Variants in ACTN1 observed in about 807,000 individuals in gnomAD.
The protein encoded by ACTN1 is alpha-actinin-1.
In ACTN1, 30 loss-of-function variants were observed where a neutral mutation model predicts 119.6. That is an observed-to-expected ratio of 0.25 (90% confidence interval 0.19 to 0.34). ACTN1 has a LOEUF of 0.34. Among genes scored for constraint, ACTN1 ranks in the 10% least tolerant of loss-of-function variants. ACTN1 has a pLI of 1.00. For synonymous variants in ACTN1, 429 were observed against 472.6 expected, an observed-to-expected ratio of 0.91 and a Z score of 1.20; for missense variants, 764 against 1,223.4, an observed-to-expected ratio of 0.62 and a Z score of 5.60.
chr14:68,890,357 C>A (rs1045304176), intron 10 of ACTN1, 71 bp from the exon 11 acceptor site: 3 of 1,554,038 alleles, frequency 1.9e-6, no homozygotes, highest in Non-Finnish European at 1.7e-6. Context: ...GCCCCCTAGA[C>A]CCCTGAAGGT....
chr14:68,894,572 T>C (rs750529785), intron 8 of ACTN1, among the ~76,000 whole-genome samples: 1 of 152,120 alleles, frequency 6.6e-6, no homozygotes, highest in African/African-American at 2.4e-5. Flanking sequence ...GACCCAGCAT[T>C]CCTGAGTCCA....
intron 1 of ACTN1, among the ~76,000 whole-genome samples, chr14:68,960,053 C>T (rs979766113): frequency 6.6e-6 from 1 of 152,032 alleles, no homozygotes; most frequent in African/African-American, 2.4e-5. Context: ...ACTATATTTG[C>T]TATTCAGTAA....
intron 6 of ACTN1, among the ~76,000 whole-genome samples, chr14:68,907,663 G>T (rs967940765): frequency 6.6e-6 from 1 of 152,154 alleles, no homozygotes; most frequent in African/African-American, 2.4e-5. Context: ...AGACAGAGAG[G>T]GATAGTGCGT....
intron 1 of ACTN1, among the ~76,000 whole-genome samples, chr14:68,957,250 G>T (rs1328834074): frequency 6.6e-6 from 1 of 152,152 alleles, no homozygotes; most frequent in Admixed American, 6.5e-5. Context: ...TTCCATGCAT[G>T]GTAAGAGGGG....
rs372031019 is a variant in ACTN1, at chr14:68,880,984, G to T, written c.1959C>A (p.Ile653=). ...GPWIQTKMEE[I]GRISIEMHGT... Reference sequence around the variant, plus strand: ...CATGCATCTCAATGGAGATCCTCCCGATCTCCTGCTCACCGGGAAGGAAGC... The same window carrying T: ...CATGCATCTCAATGGAGATCCTCCCTATCTCCTGCTCACCGGGAAGGAAGC... Residue 653 remains isoleucine (I), a synonymous_variant, in exon 17 of 22, where the codon ATC becomes ATA. Transcript: ENST00000394419. The surrounding 1 kb of genome is among the most constrained non-coding windows in gnomAD (Gnocchi z 4.6). 2 of 1,613,852 alleles carry T rather than the reference G, an allele frequency of 1.2e-6. No individual in the cohort carries two copies. The highest frequency in any genetic ancestry group is 2.7e-5 in the African/African-American group (2 of 74,898).
chr14:68,906,933 C>T (rs939970836), intron 6 of ACTN1, among the ~76,000 whole-genome samples: 5 of 151,082 alleles, frequency 3.3e-5, no homozygotes, highest in African/African-American at 7.3e-5. Flanking sequence ...AGACCAGCCT[C>T]GGCAATATAG....
intron 1 of ACTN1, among the ~76,000 whole-genome samples, chr14:68,975,949 C>T (rs560732362): frequency 6.6e-5 from 10 of 152,282 alleles, no homozygotes; most frequent in African/African-American, 2.2e-4. Context: ...ATCATTTAAC[C>T]TGATTCCCCA....
chr14:68,958,593 A>G (rs1344776328), intron 1 of ACTN1, among the ~76,000 whole-genome samples: 1 of 152,240 alleles, frequency 6.6e-6, no homozygotes, highest in Non-Finnish European at 1.5e-5. Flanking sequence ...AAAAGGACTC[A>G]GAAATGATCC....
At chr14:68,921,374 A>C in intron 2 of ACTN1, 1 of 395,092 alleles carries the variant, frequency 2.5e-6, no homozygotes, top group Non-Finnish European at 4.5e-6. Flanking sequence ...GCATCCACTC[A>C]ACATTTATTT....
chr14:68,877,442 C>A, intron 20 of ACTN1: 2 of 566,886 alleles, frequency 3.5e-6, no homozygotes, highest in South Asian at 2.4e-5. Flanking sequence ...TCCCCACACC[C>A]TGCAGATGCC....
Position 68,909,425 on chromosome 14 carries a change from G to A in ACTN1, c.516-29C>T, listed in dbSNP as rs756934468. Reference sequence around the variant, plus strand: ...CCCGGGGAGAGAGAAGAAGGAGCAGGCTGGTAAATGAGGCTGAACAAACGG... The same window carrying A: ...CCCGGGGAGAGAGAAGAAGGAGCAGACTGGTAAATGAGGCTGAACAAACGG... On this transcript the variant is annotated intron_variant, in intron 5 of 21. Coordinates refer to ENST00000394419, the MANE Select transcript of ACTN1 (RefSeq NM_001130004.2). The surrounding 1 kb of genome is among the most constrained non-coding windows in gnomAD (Gnocchi z 4.1). The A allele has an allele frequency of 2.5e-5, 41 of 1,611,682 alleles. No homozygotes were observed. The highest frequency in any genetic ancestry group is 3.1e-5 in the Non-Finnish European group (36 of 1,178,310).
rs1020648577 is a variant in ACTN1 at position 68,880,328 on chromosome 14, G to A, written c.2134-220C>T. Reference sequence around the variant, plus strand: ...GGGCAGGGTGGCAGCCTCTGCCTGGGAGAGCAAAGAAACCAGGACTTGCCA... The same window carrying A: ...GGGCAGGGTGGCAGCCTCTGCCTGGAAGAGCAAAGAAACCAGGACTTGCCA... On this transcript the variant is annotated intron_variant, in intron 17 of 21. Transcript: ENST00000394419. The surrounding 1 kb of genome is among the most constrained non-coding windows in gnomAD (Gnocchi z 4.6). 2.6e-5 allele frequency among the ~76,000 whole-genome samples: 4 copies of A among 152,188 alleles called. No individual in the cohort carries two copies. Among genetic ancestry groups the A allele is most frequent in the Non-Finnish European group, 2.9e-5 (2 of 68,030 alleles).
chr14:68,882,857 A>G lies in ACTN1; in HGVS notation c.1818+16T>C. 1.9e-6 allele frequency: 3 copies of G among 1,612,898 alleles called. No individual in the cohort carries two copies. The highest frequency in any genetic ancestry group is 2.5e-6 in the Non-Finnish European group (3 of 1,178,940). On this transcript the variant is annotated intron_variant, in intron 15 of 21. Transcript: ENST00000394419. This position sits in a 1 kb window ranked among gnomAD's most constrained non-coding sequence, Gnocchi z 4.5. ...TATGAAACTTACAATGGCTCGGCCC[A>G]TGCCCTTCAACTCACGTGGTCCCAT...
chr14:68,924,255 C>T (rs2034800779), intron 2 of ACTN1, among the ~76,000 whole-genome samples: 1 of 152,050 alleles, frequency 6.6e-6, no homozygotes, highest in Non-Finnish European at 1.5e-5. Flanking sequence ...TTTAAAATGG[C>T]TAAAATGATA....
chr14:68,892,662 G>C (rs150279136), intron 9 of ACTN1, among the ~76,000 whole-genome samples: 131 of 152,262 alleles, frequency 8.6e-4, no homozygotes, highest in African/African-American at 3.1e-3. Context: ...TACCATGGAG[G>C]GGGTTAACAG....
intron 1 of ACTN1, among the ~76,000 whole-genome samples, chr14:68,932,186 C>G (rs2035251884): frequency 6.6e-6 from 1 of 151,752 alleles, no homozygotes; most frequent in African/African-American, 2.4e-5. Context: ...GGCAGACCCA[C>G]CCTCAATCTG....
Position 68,967,239 on chromosome 14 carries a change from G to T in ACTN1, c.105+11713C>A, listed in dbSNP as rs77428982. Among the ~76,000 whole-genome samples the T allele has an allele frequency of 4.6e-3, 702 of 152,244 alleles. 7 individuals are homozygous for T. The East Asian group carries it at 0.056, about 12-fold the overall frequency. The stretch of plus-strand genomic sequence containing the variant: ...AGCAATCAACCTCATCTCTGGGGTG[G>T]TCCTTGGTGACTCAGACTACCACCA... On this transcript the variant is annotated intron_variant, in intron 1 of 21. Transcript: ENST00000394419.
In ACTN1 at chr14:68,878,911, A is replaced by G. The variant is rs751297205; in HGVS notation, c.2361+78T>C. 180 of 1,606,330 alleles carry G rather than the reference A, an allele frequency of 1.1e-4. No individual in the cohort carries two copies. Among genetic ancestry groups the G allele is most frequent in the Non-Finnish European group, 1.3e-4 (158 of 1,178,936 alleles). On this transcript the variant is annotated intron_variant, in intron 19 of 21. Transcript: ENST00000394419. This position sits in a 1 kb window ranked among gnomAD's most constrained non-coding sequence, Gnocchi z 4.4. ...AGGGGGACAGGAGATCCAGACAGAG[A>G]GAAGAGAAAAAGGAAAAACGCATTA... is the stretch of plus-strand genomic sequence containing the variant.
intron 1 of ACTN1, among the ~76,000 whole-genome samples, chr14:68,934,551 C>T (rs1353856812): frequency 6.6e-6 from 1 of 152,244 alleles, no homozygotes; most frequent in Non-Finnish European, 1.5e-5. Flanking sequence ...CAGCAACTCA[C>T]CAAGGTGAAC....
Sources: allele counts gnomAD v4.1 joint callset (sites outside exome capture counted in the v4.1 genomes callset), GRCh38; gene constraint gnomAD v4.1.1; non-coding constraint Gnocchi (gnomAD v3.1); transcripts MANE v1.5; gene names NCBI Gene and HGNC (gene_info 2026-07-23, HGNC 2026-07-21).